Variants in PLCB1 observed in about 807,000 individuals in gnomAD.
PLCB1 encodes 1-phosphatidylinositol 4,5-bisphosphate phosphodiesterase beta-1.
PLCB1 carries 46 observed loss-of-function variants against 161.8 expected under a neutral mutation model. The observed-to-expected ratio is 0.28, with a 90% CI of 0.22 to 0.36. The LOEUF (loss-of-function observed/expected upper bound fraction) is 0.36. Ranked by LOEUF, PLCB1 falls within the 10% of genes least tolerant of loss-of-function variation. The pLI is 1.00. For missense variants in PLCB1, 1,016 were observed against 1,472.5 expected (o/e 0.69, Z 5.07); for synonymous variants, 517 against 503.7 (o/e 1.03, Z -0.35).
At chr20:8,173,503 A>G (rs1216023619) in intron 2 of PLCB1, among the ~76,000 whole-genome samples, 2 of 152,230 alleles carry the variant, frequency 1.3e-5, no homozygotes, top group Non-Finnish European at 2.9e-5. Context: ...AACTCATGTG[A>G]TAAACTTAAA....
rs115887536 is a variant in PLCB1 at position 8,425,690 on chromosome 20, C to T, written c.246+54240C>T. On this transcript the variant is annotated intron_variant, in intron 3 of 31. Coordinates refer to ENST00000338037, the MANE Select transcript of PLCB1 (RefSeq NM_015192.4). ...TAAAACATAGTTTCATATTCTTTGCCTCTAAATTAGGTGACTGTAAACTCC... is the reference window on the plus strand; with the variant it reads ...TAAAACATAGTTTCATATTCTTTGCTTCTAAATTAGGTGACTGTAAACTCC... 3.5e-3 allele frequency among the ~76,000 whole-genome samples: 531 copies of T among 152,186 alleles called. 4 individuals are homozygous for T. Among genetic ancestry groups the T allele is most frequent in the African/African-American group, 0.012 (510 of 41,518 alleles).
intron 25 of PLCB1, among the ~76,000 whole-genome samples, chr20:8,763,259 T>C (rs1600306750): frequency 1.3e-5 from 2 of 152,360 alleles, no homozygotes; most frequent in South Asian, 4.1e-4. Flanking sequence ...TGCAGAGCAA[T>C]GATGTGATCG....
At chr20:8,797,904 G>A (rs956189445) in intron 31 of PLCB1, among the ~76,000 whole-genome samples, 2 of 152,154 alleles carry the variant, frequency 1.3e-5, no homozygotes, top group Non-Finnish European at 2.9e-5. Flanking sequence ...TTTAAAGATA[G>A]TTTTAATGGC....
intron 3 of PLCB1, 161 bp downstream of exon 3, chr20:8,371,611 A>G: frequency 2.0e-6 from 1 of 496,786 alleles, no homozygotes; most frequent in Admixed American, 3.8e-5. Flanking sequence ...TAAAAGACGG[A>G]AACAATGAAC....
In PLCB1 at chr20:8,733,697, A is replaced by C. The variant is rs181160482; in HGVS notation, c.2043+305A>C. Among the ~76,000 whole-genome samples the C allele has an allele frequency of 0.022, 3,368 of 150,370 alleles. 134 individuals carry two copies. Among genetic ancestry groups the C allele is most frequent in the African/African-American group, 0.079 (3,208 of 40,458 alleles). On this transcript the variant is annotated intron_variant, in intron 19 of 31. Transcript: ENST00000338037. The stretch of plus-strand genomic sequence containing the variant: ...GAGATACACCTAATGCTAAATGACG[A>C]GTTAATGGGTGCAGCACACCAGCAT...
At chr20:8,834,516 CA>C (rs1986184055) in intron 31 of PLCB1, among the ~76,000 whole-genome samples, 1 of 152,074 alleles carries the variant, frequency 6.6e-6, no homozygotes, top group African/African-American at 2.4e-5. Flanking sequence ...AGTTTGAGTT[CA>C]AAAGCCACAG....
At chr20:8,462,859 A>G (rs998629812) in intron 3 of PLCB1, among the ~76,000 whole-genome samples, 2 of 126,232 alleles carry the variant, frequency 1.6e-5, no homozygotes, top group Admixed American at 1.5e-4. Flanking sequence ...CAGGCATGAG[A>G]GACCAGGTGA....
At chr20:8,234,624 A>G (rs1473921605) in intron 2 of PLCB1, among the ~76,000 whole-genome samples, 1 of 152,180 alleles carries the variant, frequency 6.6e-6, no homozygotes, top group East Asian at 1.9e-4. Flanking sequence ...CTGTTCCAAG[A>G]CATACGCATA....
At position 8,621,404 on chromosome 20, in the gene PLCB1, CAATG is replaced by C. The variant is rs1482264595; in HGVS notation, c.247-6888_247-6885del. Among the ~76,000 whole-genome samples, 13 of 152,234 alleles carry C rather than the reference CAATG, an allele frequency of 8.5e-5. No homozygotes were observed. In the East Asian group the frequency reaches 1.7e-3, roughly 20 times the overall value. On this transcript the variant is annotated intron_variant, in intron 3 of 31. Transcript: ENST00000338037. ...TTTTTAAGTTTGACAAATACTGACT[CAATG>C]AGGAGGAAAAAGCTAACTACTTTTT...
chr20:8,611,443 C>T (rs999397749), intron 3 of PLCB1, among the ~76,000 whole-genome samples: 2 of 152,104 alleles, frequency 1.3e-5, no homozygotes, highest in African/African-American at 4.8e-5. Flanking sequence ...ATAGTCAGTT[C>T]ATTCACATCA....
intron 3 of PLCB1, among the ~76,000 whole-genome samples, chr20:8,418,224 T>C (rs1979386636): frequency 6.6e-6 from 1 of 152,200 alleles, no homozygotes; most frequent in African/African-American, 2.4e-5. Context: ...ACAGCAACAA[T>C]CTTCAGTGGA....
intron 31 of PLCB1, among the ~76,000 whole-genome samples, chr20:8,843,362 C>T (rs6133627): frequency 0.32 from 48,729 of 152,026 alleles, 8,806 homozygotes; most frequent in East Asian, 0.64. Flanking sequence ...TTAGGATCTC[C>T]TGGCTTTGGC....
At chr20:8,431,168 A>C (rs1167185583) in intron 3 of PLCB1, among the ~76,000 whole-genome samples, 1 of 152,172 alleles carries the variant, frequency 6.6e-6, no homozygotes, top group African/African-American at 2.4e-5. Flanking sequence ...GAAGTGTAAA[A>C]GAAAACTGAA....
intron 2 of PLCB1, among the ~76,000 whole-genome samples, chr20:8,291,549 G>A (rs1008200558): frequency 1.3e-5 from 2 of 152,156 alleles, no homozygotes; most frequent in African/African-American, 2.4e-5. Context: ...TACAGACAAC[G>A]AGGATGATTT....
chr20:8,202,395 AT>A, intron 2 of PLCB1, among the ~76,000 whole-genome samples: 1 of 152,272 alleles, frequency 6.6e-6, no homozygotes, highest in Middle Eastern at 3.4e-3. Context: ...TTTTTACAGC[AT>A]TTATTTCTTG....
In PLCB1 at chr20:8,415,245, G is replaced by A. The variant is rs112777923; in HGVS notation, c.246+43795G>A. 1.5e-3 allele frequency among the ~76,000 whole-genome samples: 227 copies of A among 152,086 alleles called. 1 individual carries two copies. Among genetic ancestry groups the A allele is most frequent in the African/African-American group, 5.3e-3 (220 of 41,378 alleles). On this transcript the variant is annotated intron_variant, in intron 3 of 31. Coordinates refer to ENST00000338037, the MANE Select transcript of PLCB1 (RefSeq NM_015192.4). ...CAAACAGAGTCCTTACATGGCAGGT[G>A]GAAGGGCATTAAGGTTTACTCAGCA... is the stretch of plus-strand genomic sequence containing the variant.
intron 1 of PLCB1, among the ~76,000 whole-genome samples, chr20:8,139,753 C>T (rs1256702491): frequency 6.6e-6 from 1 of 152,166 alleles, no homozygotes; most frequent in East Asian, 1.9e-4. Flanking sequence ...AATCATGATC[C>T]TCCCCAGGTG....
At chr20:8,200,251 A>G (rs2052078923) in intron 2 of PLCB1, among the ~76,000 whole-genome samples, 1 of 152,030 alleles carries the variant, frequency 6.6e-6, no homozygotes, top group Admixed American at 6.6e-5. Flanking sequence ...TTTGCAGCAT[A>G]CTAGAAAATC....
intron 2 of PLCB1, among the ~76,000 whole-genome samples, chr20:8,269,748 G>A (rs1203460185): frequency 1.3e-5 from 2 of 152,052 alleles, no homozygotes; most frequent in African/African-American, 2.4e-5. Flanking sequence ...ATACAAAAAT[G>A]TTCACTTCAT....
Sources: allele counts gnomAD v4.1 joint callset (sites outside exome capture counted in the v4.1 genomes callset), GRCh38; gene constraint gnomAD v4.1.1; transcripts MANE v1.5; gene names NCBI Gene and HGNC (gene_info 2026-07-23, HGNC 2026-07-21).